The following MB21D2 variants were observed in gnomAD, a reference collection of about 807,000 sequenced individuals.
The protein encoded by MB21D2 is nucleotidyltransferase MB21D2.
Under a neutral mutation model 33.3 loss-of-function variants are expected in MB21D2, and 9 were observed. The ratio of observed to expected loss-of-function variants is 0.27; its 90% CI spans 0.16 to 0.47. MB21D2 has a LOEUF of 0.47. Ranked by LOEUF, MB21D2 falls within the 20% of genes least tolerant of loss-of-function variation. The pLI is 0.99. For missense variants in MB21D2, 540 were observed against 624.6 expected, an observed-to-expected ratio of 0.86 and a Z score of 1.44; for synonymous variants, 241 against 236.3, an observed-to-expected ratio of 1.02 and a Z score of -0.18.
At chr3:192,852,164 G>A (rs1712820417) in intron 1 of MB21D2, among the ~76,000 whole-genome samples, 1 of 152,160 alleles carries the variant, frequency 6.6e-6, no homozygotes, top group Non-Finnish European at 1.5e-5. Flanking sequence ...AGAAAATATG[G>A]GGCGAGATGC....
At chr3:192,883,378 T>C (rs1560249398) in intron 1 of MB21D2, among the ~76,000 whole-genome samples, 1 of 152,062 alleles carries the variant, frequency 6.6e-6, no homozygotes, top group Non-Finnish European at 1.5e-5. Flanking sequence ...AAGAAAAACA[T>C]AAGAAAAGAA....
At chr3:192,879,567 G>A (rs1191019755) in intron 1 of MB21D2, among the ~76,000 whole-genome samples, 2 of 152,342 alleles carry the variant, frequency 1.3e-5, no homozygotes, top group East Asian at 1.9e-4. Context: ...AAAGTGATTG[G>A]AGAGGCTGTA....
chr3:192,892,595 C>A (rs1713873631), intron 1 of MB21D2, among the ~76,000 whole-genome samples: 1 of 152,134 alleles, frequency 6.6e-6, no homozygotes, highest in Non-Finnish European at 1.5e-5. Flanking sequence ...CACCTGCCAC[C>A]ACACCTGGCT....
At chr3:192,862,453 TAC>T (rs1339262439) in intron 1 of MB21D2, among the ~76,000 whole-genome samples, 1 of 152,186 alleles carries the variant, frequency 6.6e-6, no homozygotes, top group African/African-American at 2.4e-5. Context: ...TGCCCAAATA[TAC>T]AAATTTGCCT....
At chr3:192,850,213 C>T (rs112505678) in intron 1 of MB21D2, among the ~76,000 whole-genome samples, 3 of 152,154 alleles carry the variant, frequency 2.0e-5, no homozygotes, top group Non-Finnish European at 4.4e-5. Flanking sequence ...CCACCGCGCC[C>T]GGCCCATAGA....
chr3:192,904,827 G>T (rs759080250), intron 1 of MB21D2, among the ~76,000 whole-genome samples: 6 of 152,222 alleles, frequency 3.9e-5, no homozygotes, highest in Non-Finnish European at 8.8e-5. Context: ...TCATACTGAG[G>T]AGTCGGCATT....
intron 1 of MB21D2, among the ~76,000 whole-genome samples, chr3:192,832,811 G>A (rs935134224): frequency 3.9e-5 from 6 of 152,144 alleles, no homozygotes; most frequent in African/African-American, 1.4e-4. Context: ...AAGGGGACCG[G>A]GGGGAAGAGT....
At chr3:192,882,103 A>G (rs143681082) in intron 1 of MB21D2, among the ~76,000 whole-genome samples, 7 of 152,020 alleles carry the variant, frequency 4.6e-5, no homozygotes, top group Non-Finnish European at 2.9e-5. Flanking sequence ...TGCCTAACCT[A>G]AGACTTGGCA....
intron 1 of MB21D2, among the ~76,000 whole-genome samples, chr3:192,884,753 C>A (rs1560250131): frequency 6.6e-6 from 1 of 152,092 alleles, no homozygotes; most frequent in African/African-American, 2.4e-5. Flanking sequence ...TTCACATGCA[C>A]ACATGTGTAC....
chr3:192,900,925 A>C (rs1371385386), intron 1 of MB21D2, among the ~76,000 whole-genome samples: 1 of 146,240 alleles, frequency 6.8e-6, no homozygotes, highest in Non-Finnish European at 1.5e-5. Context: ...TGGGTGACAG[A>C]GCGAGACTCT....
rs1413859553 is a variant in MB21D2, at chr3:192,917,624, C to A, written c.211+6G>T. On this transcript the variant is annotated splice_donor_region_variant and intron_variant, in intron 1 of 1. Coordinates refer to ENST00000392452, the MANE Select transcript of MB21D2 (RefSeq NM_178496.4). ...GCACACACACCTCCCCCTTTTTCCT[C>A]CTTACCCAGCATGGAAAAGATGAAA... 1 of 1,613,862 alleles carries A rather than the reference C, an allele frequency of 6.2e-7. No individual in the cohort carries two copies. Among genetic ancestry groups the A allele is most frequent in the African/African-American group, 1.3e-5 (1 of 74,900 alleles).
At chr3:192,897,386 A>G (rs1714002397) in intron 1 of MB21D2, among the ~76,000 whole-genome samples, 1 of 152,124 alleles carries the variant, frequency 6.6e-6, no homozygotes, top group Admixed American at 6.6e-5. Context: ...AGGCCCCACT[A>G]ACCAAGGGTT....
chr3:192,847,786 G>A (rs1166341722), intron 1 of MB21D2, among the ~76,000 whole-genome samples: 1 of 152,050 alleles, frequency 6.6e-6, no homozygotes, highest in African/African-American at 2.4e-5. Flanking sequence ...GGGAACTAGA[G>A]ACAAAAATGA....
At chr3:192,874,872 C>T (rs945020983) in intron 1 of MB21D2, among the ~76,000 whole-genome samples, 1 of 152,154 alleles carries the variant, frequency 6.6e-6, no homozygotes, top group African/African-American at 2.4e-5. Flanking sequence ...AGCATCCGTT[C>T]TACCAAATGA....
intron 1 of MB21D2, among the ~76,000 whole-genome samples, chr3:192,830,346 C>T (rs780649982): frequency 1.3e-5 from 2 of 151,884 alleles, no homozygotes; most frequent in Non-Finnish European, 2.9e-5. Context: ...TGCATTGACA[C>T]GTTTCATTTT....
At position 192,886,401 on chromosome 3, in the gene MB21D2, C is replaced by G. The variant is rs78318121; in HGVS notation, c.211+31229G>C. On this transcript the variant is annotated intron_variant, in intron 1 of 1. Transcript: ENST00000392452. ...TGACTAGTTTTCTTAAGGTATTTCC[C>G]TTGTAGTATTTCCAAACACACAACA... 5.7e-4 allele frequency among the ~76,000 whole-genome samples: 86 copies of G among 152,206 alleles called. 2 individuals are homozygous for G. The East Asian group carries it at 0.015, about 27-fold the overall frequency.
In MB21D2 at chr3:192,796,821, G is replaced by T. The variant is rs368020106; in HGVS notation, c.*1565C>A. The T allele has an allele frequency of 6.6e-6, 1 of 151,964 alleles. No individual in the cohort carries two copies. The highest frequency in any genetic ancestry group is 6.6e-5 in the Admixed American group (1 of 15,246). 9.4% of individuals were successfully genotyped at this position (151,964 alleles called of 1,614,324 possible). On this transcript the variant is annotated 3_prime_UTR_variant, in exon 2 of 2. Coordinates refer to ENST00000392452, the MANE Select transcript of MB21D2 (RefSeq NM_178496.4). ...ATTACAAACAACAACAAAATTTCAA[G>T]GCCAGTATGTTTCTTTTTTTATTAT...
intron 1 of MB21D2, among the ~76,000 whole-genome samples, chr3:192,843,883 A>C (rs1712624490): frequency 6.6e-6 from 1 of 151,970 alleles, no homozygotes; most frequent in African/African-American, 2.4e-5. Context: ...GCAACCCTCC[A>C]TGCACGATCA....
intron 1 of MB21D2, among the ~76,000 whole-genome samples, chr3:192,838,911 G>C (rs1248018456): frequency 6.6e-6 from 1 of 152,156 alleles, no homozygotes; most frequent in Admixed American, 6.5e-5. Flanking sequence ...AGTCAAACTA[G>C]TGAATGCCCA....
Sources: gnomAD v4.1 joint callset for allele counts (sites outside exome capture counted in the v4.1 genomes callset) on GRCh38, gnomAD v4.1.1 for gene constraint, MANE v1.5 for transcripts, NCBI Gene and HGNC (gene_info 2026-07-23, HGNC 2026-07-21) for gene names.